LMTK3: variants seen among roughly 807,000 people sequenced by gnomAD.
The protein encoded by LMTK3 is lemur tail kinase 3.
Under a neutral mutation model 116.7 loss-of-function variants are expected in LMTK3, and 27 were observed. That is an observed-to-expected ratio of 0.23 (90% CI 0.17 to 0.32). The LOEUF (loss-of-function observed/expected upper bound fraction) is 0.32. LMTK3 is among the 10% of genes least tolerant of loss of function. The pLI, the probability that LMTK3 is intolerant of heterozygous loss-of-function variation, is 1.00. For synonymous variants in LMTK3, 965 were observed against 971.0 expected (o/e 0.99, Z 0.11); for missense variants, 1,764 against 2,068.5 (o/e 0.85, Z 2.86).
chr19:48,513,492 G>A, upstream of LMTK3: 2 of 346,850 alleles, frequency 5.8e-6, no homozygotes, highest in Non-Finnish European at 1.1e-5. This position sits in a 1 kb window ranked among gnomAD's most constrained non-coding sequence, Gnocchi z 5.6. Flanking sequence ...GTGCCAGGCC[G>A]CCGCCGTCTC....
intron 7 of LMTK3, 28 bp from the exon 8 acceptor site, chr19:48,501,590 G>A (rs1166506129): frequency 6.3e-7 from 1 of 1,576,812 alleles, no homozygotes; most frequent in Non-Finnish European, 8.6e-7. Context: ...GGAGGTGAGC[G>A]CAGGGGCAGC....
Position 48,510,596 on chromosome 19 carries a change from T to C in LMTK3, c.77-4A>G. ...GCCCGGCCCAGGGCGAATCCATCTG[T>C]GGGCACAGGGCTGGGCTGGGGTCCC... On this transcript the variant is annotated splice_polypyrimidine_tract_variant and splice_region_variant and intron_variant, in intron 1 of 14. Transcript: ENST00000600059. 1 of 1,572,860 alleles carries C rather than the reference T, an allele frequency of 6.4e-7. No homozygotes were observed. The highest frequency in any genetic ancestry group is 8.6e-7 in the Non-Finnish European group (1 of 1,162,922).
Position 48,485,767 on chromosome 19 carries a change from G to T in LMTK3, c.*6C>A. Reference sequence around the variant, plus strand: ...GAGGGTGCAGCGGGGTCGGGTCTTCGGGGAATCAATTCTCCACGGGGCCTG... The same window carrying T: ...GAGGGTGCAGCGGGGTCGGGTCTTCTGGGAATCAATTCTCCACGGGGCCTG... On this transcript the variant is annotated 3_prime_UTR_variant, in exon 15 of 15. Coordinates refer to ENST00000600059, the MANE Select transcript of LMTK3 (RefSeq NM_001388485.1). 6.2e-7 allele frequency: 1 copy of T among 1,610,496 alleles called. No individual in the cohort carries two copies. The highest frequency in any genetic ancestry group is 8.5e-7 in the Non-Finnish European group (1 of 1,178,588).
intron 12 of LMTK3, among the ~76,000 whole-genome samples, chr19:48,493,001 T>C (rs956737726): frequency 1.3e-5 from 2 of 150,450 alleles, no homozygotes; most frequent in Non-Finnish European, 3.0e-5. Context: ...CCCTGACCAG[T>C]CTCTCCCCAG....
Position 48,499,213 on chromosome 19 carries a change from T to C in LMTK3, c.1856A>G (p.Glu619Gly). 7.2e-7 allele frequency: 1 copy of C among 1,393,046 alleles called. No individual in the cohort carries two copies. Among genetic ancestry groups the C allele is most frequent in the Non-Finnish European group, 9.4e-7 (1 of 1,068,258 alleles). 86.3% of individuals were successfully genotyped at this position (1,393,046 alleles called of 1,614,324 possible). ...GWDPEGRGAG[E>G]TLAGDPAEVL... is the part of the protein sequence containing the mutation. ...CTCGGCAGGGTCTCCCGCCAGGGTC[T>C]CCCCGGCGCCCCGGCCCTCGGGGTC... Residue 619 changes from glutamate (E) to glycine (G), a missense_variant, in exon 11 of 15, where the codon GAG becomes GGG. Transcript: ENST00000600059.
In LMTK3 at chr19:48,501,296, C is replaced by G. The variant is rs1972461284; in HGVS notation, c.988G>C (p.Glu330Gln). The change falls in exon 9 of 15, where the codon GAG becomes CAG. Residue 330 changes from glutamate to glutamine, a missense_variant. Glu to Gln is a conservative substitution (Grantham distance 29). Coordinates refer to ENST00000600059, the MANE Select transcript of LMTK3 (RefSeq NM_001388485.1). ...CGTGGTCCTCACCAGATGTTGCTCT[C>G]GCGGCTCTGGTCCACCACCATGAAG... ...GTFMVVDQSRESNIWSLGVTL... is the reference protein window; with the variant it reads ...GTFMVVDQSRQSNIWSLGVTL... 1 of 1,613,540 alleles carries G rather than the reference C, an allele frequency of 6.2e-7. No individual in the cohort carries two copies. The highest frequency in any genetic ancestry group is 8.5e-7 in the Non-Finnish European group (1 of 1,179,740).
At chr19:48,489,401 C>T (rs536315906) in intron 14 of LMTK3, among the ~76,000 whole-genome samples, 87 of 152,200 alleles carry the variant, frequency 5.7e-4, no homozygotes, top group African/African-American at 1.9e-3. Flanking sequence ...GGTGAAACCC[C>T]GTCTCTACTA....
In LMTK3 at chr19:48,497,629, GGCGGTGGCT is replaced by G. The variant is rs767926560; in HGVS notation, c.3431_3439del (p.Gln1144_Pro1146del). 19 of 1,270,330 alleles carry G rather than the reference GGCGGTGGCT, an allele frequency of 1.5e-5. No homozygotes were observed. The East Asian group carries it at 5.0e-4, about 33-fold the overall frequency. The allele number at this position is 1,270,330 out of a possible 1,614,324, so 78.7% of individuals were successfully genotyped here. A position where few individuals can be genotyped will look rare whatever the true frequency, so the allele number is the denominator to read the frequency against. The stretch of plus-strand genomic sequence containing the variant: ...CTCCGGTGGCGGTGGCAGCGGTGGC[GGCGGTGGCT>G]GCGGCCTCGTGTTGTCTACCCATCC... On this transcript the variant is annotated inframe_deletion, in exon 11 of 15. Coordinates refer to ENST00000600059, the MANE Select transcript of LMTK3 (RefSeq NM_001388485.1). This position sits in a 1 kb window ranked among gnomAD's most constrained non-coding sequence, Gnocchi z 5.7.
intron 5 of LMTK3, among the ~76,000 whole-genome samples, chr19:48,507,762 C>T (rs1334082196): frequency 6.6e-6 from 1 of 152,164 alleles, no homozygotes; most frequent in Non-Finnish European, 1.5e-5. Context: ...ACGAGTATAC[C>T]ACCGTGCCCA....
In LMTK3 at chr19:48,498,967, G is replaced by C; in HGVS notation, c.2102C>G (p.Pro701Arg). ...CGAGGAGTCGTCCTCGGGGGGGTGG[G>C]GGCAGCCAAGAGCAGGGTGGCCTCC... ...GWGGHPALGC[P>R]HPPEDDSSLR... The change falls in exon 11 of 15, where the codon CCC becomes CGC. Residue 701 changes from proline to arginine, a missense_variant. Coordinates refer to ENST00000600059, the MANE Select transcript of LMTK3 (RefSeq NM_001388485.1). 1.5e-6 allele frequency: 2 copies of C among 1,335,914 alleles called. No homozygotes were observed. The highest frequency in any genetic ancestry group is 1.9e-6 in the Non-Finnish European group (2 of 1,045,588). The allele number at this position is 1,335,914 out of a possible 1,614,324, so 82.8% of individuals were successfully genotyped here. A position where few individuals can be genotyped will look rare whatever the true frequency, so the allele number is the denominator to read the frequency against.
At position 48,508,901 on chromosome 19, in the gene LMTK3, G is replaced by C; in HGVS notation, c.507C>G (p.Ser169Arg). 1 of 1,613,558 alleles carries C rather than the reference G, an allele frequency of 6.2e-7. No individual in the cohort carries two copies. The highest frequency in any genetic ancestry group is 8.5e-7 in the Non-Finnish European group (1 of 1,179,738). ...AQVVVKELRA[S>R]AGPLEQRKFI... is the part of the protein sequence containing the mutation. ...ACTTGCGTTGCTCCAGGGGCCCCGC[G>C]CTGGCTCGGAGCTCCTTCACCACCA... The change falls in exon 5 of 15, where the codon AGC becomes AGG. Residue 169 changes from serine (S) to arginine (R), a missense_variant. By Grantham distance (110) the Ser-to-Arg change is moderately radical (BLOSUM62 -1). Transcript: ENST00000600059.
At chr19:48,505,887 T>TCCGAA (rs1196660883) in intron 5 of LMTK3, among the ~76,000 whole-genome samples, 2 of 132,880 alleles carry the variant, frequency 1.5e-5, no homozygotes, top group African/African-American at 5.8e-5. Context: ...AAGTCTGTAA[T>TCCGAA]CCGAATACTT....
At position 48,499,582 on chromosome 19, in the gene LMTK3, G is replaced by A. The variant is rs944122348; in HGVS notation, c.1487C>T (p.Ala496Val). 9.1e-6 allele frequency: 14 copies of A among 1,531,700 alleles called. No homozygotes were observed. The African/African-American group carries it at 1.5e-4, about 17-fold the overall frequency. 94.9% of individuals were successfully genotyped at this position (1,531,700 alleles called of 1,614,324 possible). A position where few individuals can be genotyped will look rare whatever the true frequency, so the allele number is the denominator to read the frequency against. The change falls in exon 11 of 15, where the codon GCC becomes GTC. Residue 496 changes from alanine to valine, a missense_variant. By Grantham distance (64) the Ala-to-Val change is moderately conservative. Transcript: ENST00000600059. ...RGAGRGGGAP[A>V]WQPASAPPAP... ...CGGGGGGGCCGACGCCGGCTGCCAG[G>A]CAGGTGCCCCCCCACCCCGGCCGGC...
At chr19:48,513,025 C>G (rs1316267684), upstream of LMTK3, 1 of 843,640 alleles carries the variant, frequency 1.2e-6, no homozygotes, top group African/African-American at 1.7e-5. The surrounding 1 kb of genome is among the most constrained non-coding windows in gnomAD (Gnocchi z 5.6). Context: ...AACCCCACCA[C>G]AGTCACACAT....
rs745657985 is a variant in LMTK3, at chr19:48,497,941, A to G, written c.3128T>C (p.Ile1043Thr). Residue 1043 changes from isoleucine to threonine, a missense_variant, in exon 11 of 15, where the codon ATC becomes ACC. Ile to Thr is a moderately conservative substitution (Grantham distance 89). This residue lies in a region of LMTK3 where 1,028 missense variants were observed against 1,050.6 expected (regional missense o/e 0.98). Transcript: ENST00000600059. This position sits in a 1 kb window ranked among gnomAD's most constrained non-coding sequence, Gnocchi z 5.7. ...TPESWGPAPT[I>T]GEPAPETSLE... is the part of the protein sequence containing the mutation. ...AGAGGTCTCTGGGGCTGGCTCCCCG[A>G]TCGTGGGGGCTGGACCCCAACTCTC... 26 of 1,551,518 alleles carry G rather than the reference A, an allele frequency of 1.7e-5. No individual in the cohort carries two copies. The Admixed American group carries it at 5.2e-4, about 31-fold the overall frequency.
chr19:48,506,141 A>G (rs1972565265), intron 5 of LMTK3, among the ~76,000 whole-genome samples: 1 of 130,570 alleles, frequency 7.7e-6, no homozygotes, highest in Non-Finnish European at 1.6e-5. Context: ...ACTTCATCTG[A>G]AAAAAAAAAA....
chr19:48,502,605 A>G (rs1461865027), intron 6 of LMTK3, 24 bp from the exon 7 acceptor site: 2 of 1,519,078 alleles, frequency 1.3e-6, no homozygotes, highest in South Asian at 2.6e-5. Context: ...AAAGAAGGTC[A>G]GCACCACCAG....
In LMTK3 at chr19:48,500,928, G is replaced by C; in HGVS notation, c.1151+68C>G. The C allele has an allele frequency of 7.1e-7, 1 of 1,405,638 alleles. No individual in the cohort carries two copies. The highest frequency in any genetic ancestry group is 2.5e-5 in the East Asian group (1 of 39,396). The allele number at this position is 1,405,638 out of a possible 1,614,324, so 87.1% of individuals were successfully genotyped here. Reference sequence around the variant, plus strand: ...GGGATGTGGGTGATGTGGGAAACGAGGGGGGATGCTGGGACCATCCTGGGT... The same window carrying C: ...GGGATGTGGGTGATGTGGGAAACGACGGGGGATGCTGGGACCATCCTGGGT... On this transcript the variant is annotated intron_variant, in intron 10 of 14. Transcript: ENST00000600059. This position sits in a 1 kb window ranked among gnomAD's most constrained non-coding sequence, Gnocchi z 4.0.
intron 11 of LMTK3, among the ~76,000 whole-genome samples, chr19:48,496,275 ATTTTTTCT>A (rs1398168674): frequency 4.8e-5 from 7 of 145,548 alleles, no homozygotes; most frequent in South Asian, 2.2e-4. Flanking sequence ...ACGCTGGCTA[ATTTTTTCT>A]TTTTTTCTTT....
Sources: gnomAD v4.1 joint callset for allele counts (sites outside exome capture counted in the v4.1 genomes callset) on GRCh38, gnomAD v4.1.1 for gene constraint, gnomAD v4.1.1 regional missense constraint, Gnocchi (gnomAD v3.1) non-coding constraint, MANE v1.5 for transcripts, NCBI Gene and HGNC (gene_info 2026-07-23, HGNC 2026-07-21) for gene names.